Variants in ZFAT observed in about 807,000 individuals in gnomAD.
ZFAT encodes the protein zinc finger and AT-hook domain containing.
ZFAT carries 64 observed loss-of-function variants against 117.7 expected under a neutral mutation model. That is an observed-to-expected ratio of 0.54 (90% CI 0.44 to 0.67). The LOEUF is 0.67. Ranked by LOEUF, ZFAT falls within the 30% of genes least tolerant of loss-of-function variation. The probability of loss-of-function intolerance (pLI) is 0.00; values close to 1 mark genes in which losing one functional copy is unlikely to be tolerated. For synonymous variants in ZFAT, 679 were observed against 615.0 expected (o/e 1.10, Z -1.54); for missense variants, 1,433 against 1,584.5 (o/e 0.90, Z 1.62).
chr8:134,490,987 A>G (rs1818012720), intron 15 of ZFAT, among the ~76,000 whole-genome samples: 1 of 152,166 alleles, frequency 6.6e-6, no homozygotes, highest in African/African-American at 2.4e-5. Flanking sequence ...CCTTGTAGAG[A>G]TCTTTTAGAA....
intron 1 of ZFAT, among the ~76,000 whole-genome samples, chr8:134,703,795 C>A (rs1229005980): frequency 6.6e-6 from 1 of 152,170 alleles, no homozygotes; most frequent in Non-Finnish European, 1.5e-5. Context: ...CCAATCCCTC[C>A]TCATGCATTT....
Position 134,478,810 on chromosome 8 carries a change from C to G in ZFAT, c.3493-89G>C, listed in dbSNP as rs981682156. 8.7e-6 allele frequency: 13 copies of G among 1,487,282 alleles called. No homozygotes were observed. Among genetic ancestry groups the G allele is most frequent in the African/African-American group, 2.8e-5 (2 of 72,116 alleles). 92.1% of individuals were successfully genotyped at this position (1,487,282 alleles called of 1,614,324 possible). A position where few individuals can be genotyped will look rare whatever the true frequency, so the allele number is the denominator to read the frequency against. ...AGTCACAACTACAGTTTAGGAGGCACCAGTGCGCTGCGGGAGCACGTCCAT... is the reference window on the plus strand; with the variant it reads ...AGTCACAACTACAGTTTAGGAGGCAGCAGTGCGCTGCGGGAGCACGTCCAT... On this transcript the variant is annotated intron_variant, in intron 15 of 15. Coordinates refer to ENST00000377838, the MANE Select transcript of ZFAT (RefSeq NM_020863.4). The surrounding 1 kb of genome is among the most constrained non-coding windows in gnomAD (Gnocchi z 5.2).
chr8:134,773,849 A>G, the ZFAT span, among the ~76,000 whole-genome samples: 13 of 152,318 alleles, frequency 8.5e-5, no homozygotes, highest in African/African-American at 3.1e-4. Context: ...CTTTTTATGG[A>G]TAAACAAAGA....
chr8:134,800,027 T>C, the ZFAT span, among the ~76,000 whole-genome samples: 1 of 152,096 alleles, frequency 6.6e-6, no homozygotes, highest in Admixed American at 6.6e-5. Context: ...CTTTCCCTCC[T>C]CCAAATCCCG....
intron 12 of ZFAT, 29 bp downstream of exon 12, chr8:134,532,805 G>T: frequency 6.2e-7 from 1 of 1,606,060 alleles, no homozygotes. Context: ...GAAGCGGGCA[G>T]GGCCCCAGCT....
Position 134,480,483 on chromosome 8 carries a change from C to T in ZFAT, c.3493-1762G>A, listed in dbSNP as rs144679589. Among the ~76,000 whole-genome samples, 44 of 152,330 alleles carry T rather than the reference C, an allele frequency of 2.9e-4. No homozygotes were observed. The East Asian group carries it at 7.1e-3, about 25-fold the overall frequency. On this transcript the variant is annotated intron_variant, in intron 15 of 15. Coordinates refer to ENST00000377838, the MANE Select transcript of ZFAT (RefSeq NM_020863.4). Reference sequence around the variant, plus strand: ...GCTCAATATTTACTGACTGATGATCCACTAGGTGTCAGATGCCACGCTGTG... The same window carrying T: ...GCTCAATATTTACTGACTGATGATCTACTAGGTGTCAGATGCCACGCTGTG...
At chr8:134,632,230 C>T (rs773921478) in intron 3 of ZFAT, among the ~76,000 whole-genome samples, 1 of 152,148 alleles carries the variant, frequency 6.6e-6, no homozygotes, top group African/African-American at 2.4e-5. Context: ...ACTTAATGAA[C>T]AGTAAACATA....
the ZFAT span, among the ~76,000 whole-genome samples, chr8:134,741,143 A>T: frequency 6.6e-6 from 1 of 152,234 alleles, no homozygotes; most frequent in East Asian, 1.9e-4. Context: ...CAGAATTCAA[A>T]CATACCCAAG....
chr8:134,782,772 C>A, the ZFAT span, among the ~76,000 whole-genome samples: 1 of 151,964 alleles, frequency 6.6e-6, no homozygotes, highest in African/African-American at 2.4e-5. Flanking sequence ...AACTATGAGT[C>A]CATTAAACCT....
At chr8:134,633,937 T>C (rs1254107720) in intron 3 of ZFAT, among the ~76,000 whole-genome samples, 1 of 152,094 alleles carries the variant, frequency 6.6e-6, no homozygotes, top group Admixed American at 6.5e-5. Flanking sequence ...TTGCAGCTAC[T>C]TGGGAGGCTG....
chr8:134,569,479 C>T (rs548009436), intron 10 of ZFAT, among the ~76,000 whole-genome samples: 1 of 152,120 alleles, frequency 6.6e-6, no homozygotes, highest in Non-Finnish European at 1.5e-5. Context: ...AAGGTGACTG[C>T]CCATCAGAAG....
chr8:134,729,514 T>C, the ZFAT span, among the ~76,000 whole-genome samples: 1 of 152,130 alleles, frequency 6.6e-6, no homozygotes, highest in Non-Finnish European at 1.5e-5. Flanking sequence ...TTTGTATTTT[T>C]AGTAGAGATG....
At chr8:134,769,951 C>A in the ZFAT span, among the ~76,000 whole-genome samples, 1 of 152,234 alleles carries the variant, frequency 6.6e-6, no homozygotes, top group Non-Finnish European at 1.5e-5. Flanking sequence ...ACGGTTGGAG[C>A]AGCTGGGACA....
chr8:134,610,195 C>T (rs536818363), intron 4 of ZFAT, among the ~76,000 whole-genome samples: 15 of 152,274 alleles, frequency 9.9e-5, no homozygotes, highest in South Asian at 2.1e-4. Flanking sequence ...TAACTGCTCC[C>T]GGAACCACTA....
At chr8:134,624,514 G>A (rs968036831) in intron 3 of ZFAT, among the ~76,000 whole-genome samples, 4 of 152,092 alleles carry the variant, frequency 2.6e-5, no homozygotes, top group South Asian at 2.1e-4. Flanking sequence ...AAAATTAGCC[G>A]GGCATGGGGG....
the ZFAT span, among the ~76,000 whole-genome samples, chr8:134,805,368 T>G: frequency 6.6e-6 from 1 of 152,186 alleles, no homozygotes; most frequent in African/African-American, 2.4e-5. Context: ...AATGACTCCT[T>G]TTATTTAAAA....
At chr8:134,516,379 G>A (rs1820252431) in intron 13 of ZFAT, among the ~76,000 whole-genome samples, 1 of 152,180 alleles carries the variant, frequency 6.6e-6, no homozygotes, top group Non-Finnish European at 1.5e-5. Context: ...AGTAACTGAT[G>A]ATCATTGCTA....
intron 1 of ZFAT, 87 bp from the exon 2 acceptor site, chr8:134,657,824 G>A: frequency 7.2e-7 from 1 of 1,389,488 alleles, no homozygotes; most frequent in African/African-American, 1.4e-5. Flanking sequence ...ACCGAAAGCT[G>A]CCCTTCTGAG....
chr8:134,793,733 G>GGGGGGA, the ZFAT span: 1 of 78,474 alleles, frequency 1.3e-5, no homozygotes, highest in African/African-American at 7.0e-5. Flanking sequence ...TCAAGAGTCC[G>GGGGGGA]GGGGCTGGAG....
Sources: gnomAD v4.1 joint callset for allele counts (sites outside exome capture counted in the v4.1 genomes callset) on GRCh38, gnomAD v4.1.1 for gene constraint, Gnocchi (gnomAD v3.1) non-coding constraint, MANE v1.5 for transcripts, NCBI Gene and HGNC (gene_info 2026-07-23, HGNC 2026-07-21) for gene names.